CARMIL1: variants seen among roughly 807,000 people sequenced by gnomAD.
CARMIL1 encodes the protein F-actin-uncapping protein LRRC16A.
A neutral mutation model predicts 177.1 loss-of-function variants in CARMIL1; 90 were observed. The ratio of observed to expected loss-of-function variants is 0.51; its 90% confidence interval spans 0.43 to 0.61. The LOEUF (loss-of-function observed/expected upper bound fraction) is 0.61, where lower values mean the gene tolerates loss of function less well. CARMIL1 is among the 20% of genes least tolerant of loss of function. The pLI is 0.00. For synonymous variants in CARMIL1, 577 were observed against 606.2 expected (o/e 0.95, Z 0.71); for missense variants, 1,380 against 1,667.0 (o/e 0.83, Z 3.00).
intron 23 of CARMIL1, among the ~76,000 whole-genome samples, chr6:25,520,694 C>T (rs1806467358): frequency 6.6e-6 from 1 of 152,014 alleles, no homozygotes; most frequent in Admixed American, 6.6e-5. Context: ...CAGATGGATC[C>T]CTCTCTTCTT....
rs745832709 is a variant in CARMIL1, at chr6:25,491,719, A to T, written c.1066-13A>T. 4 of 1,532,564 alleles carry T rather than the reference A, an allele frequency of 2.6e-6. No individual in the cohort carries two copies. Among genetic ancestry groups the T allele is most frequent in the East Asian group, 2.3e-5 (1 of 42,820 alleles). The allele number at this position is 1,532,564 out of a possible 1,614,324, so 94.9% of individuals were successfully genotyped here. On this transcript the variant is annotated splice_polypyrimidine_tract_variant and intron_variant, in intron 13 of 36. Coordinates refer to ENST00000329474, the MANE Select transcript of CARMIL1 (RefSeq NM_017640.6). The stretch of plus-strand genomic sequence containing the variant: ...TCTAGAATCCTAACATTTATCTTTT[A>T]TTTTTTTTCAAGCACATGTATAATT...
intron 11 of CARMIL1, 71 bp downstream of exon 11, chr6:25,472,592 C>A: frequency 1.6e-6 from 2 of 1,242,038 alleles, no homozygotes; most frequent in Non-Finnish European, 1.2e-6. Context: ...TTTAGCCATG[C>A]CTGAAGAGCT....
chr6:25,610,580 A>G (rs1424198879), intron 36 of CARMIL1, among the ~76,000 whole-genome samples: 1 of 152,106 alleles, frequency 6.6e-6, no homozygotes, highest in Non-Finnish European at 1.5e-5. Flanking sequence ...CAGTACTGCT[A>G]TAGTTCAGGA....
At chr6:25,540,696 T>A (rs983518956) in intron 26 of CARMIL1, among the ~76,000 whole-genome samples, 1 of 152,160 alleles carries the variant, frequency 6.6e-6, no homozygotes, top group Non-Finnish European at 1.5e-5. Flanking sequence ...AATTTCACAT[T>A]CAGAAAGTTT....
chr6:25,338,116 G>C (rs1187500949), intron 2 of CARMIL1, among the ~76,000 whole-genome samples: 8 of 152,058 alleles, frequency 5.3e-5, no homozygotes, highest in Non-Finnish European at 1.2e-4. Context: ...AATTAGCCAG[G>C]CGTGGTGGCG....
chr6:25,616,379 G>C (rs907563613), intron 36 of CARMIL1, among the ~76,000 whole-genome samples: 1 of 152,098 alleles, frequency 6.6e-6, no homozygotes, highest in Non-Finnish European at 1.5e-5. Context: ...ACCAGCCTGG[G>C]CAACAAATGA....
intron 8 of CARMIL1, among the ~76,000 whole-genome samples, chr6:25,452,984 C>T (rs1397640386): frequency 1.3e-5 from 2 of 152,178 alleles, no homozygotes; most frequent in Non-Finnish European, 2.9e-5. Context: ...GGTCTATCTT[C>T]TCCTTTGACT....
intron 9 of CARMIL1, among the ~76,000 whole-genome samples, chr6:25,470,701 T>C (rs144400553): frequency 6.6e-6 from 1 of 152,164 alleles, no homozygotes; most frequent in Non-Finnish European, 1.5e-5. Flanking sequence ...GAGGGCACAG[T>C]TTCTTGTTCA....
At chr6:25,365,651 C>G (rs1789705046) in intron 2 of CARMIL1, among the ~76,000 whole-genome samples, 1 of 152,156 alleles carries the variant, frequency 6.6e-6, no homozygotes, top group Admixed American at 6.5e-5. Context: ...TTCCCGGGCT[C>G]AAGTGATTCT....
intron 2 of CARMIL1, among the ~76,000 whole-genome samples, chr6:25,374,031 C>T (rs1488730399): frequency 6.6e-6 from 1 of 152,134 alleles, no homozygotes; most frequent in Non-Finnish European, 1.5e-5. Flanking sequence ...TTTAGTTCTG[C>T]TCTAATGAAA....
chr6:25,582,433 G>C (rs556796562), intron 31 of CARMIL1, among the ~76,000 whole-genome samples: 1 of 152,188 alleles, frequency 6.6e-6, no homozygotes, highest in Non-Finnish European at 1.5e-5. Flanking sequence ...GTTGTTGACT[G>C]TAGATTTCTG....
chr6:25,518,888 G>A (rs1013073602), intron 22 of CARMIL1, among the ~76,000 whole-genome samples: 4 of 152,158 alleles, frequency 2.6e-5, no homozygotes, highest in South Asian at 2.1e-4. Flanking sequence ...TGTCAAGGCC[G>A]TAAAAAAGAC....
intron 29 of CARMIL1, among the ~76,000 whole-genome samples, chr6:25,578,613 T>C (rs373801475): frequency 1.3e-5 from 2 of 152,128 alleles, no homozygotes; most frequent in Non-Finnish European, 2.9e-5. Flanking sequence ...AGTTTTTTTT[T>C]CTCTGTTGTT....
chr6:25,448,251 A>G (rs1798432072), intron 5 of CARMIL1, among the ~76,000 whole-genome samples: 1 of 152,134 alleles, frequency 6.6e-6, no homozygotes, highest in Admixed American at 6.5e-5. Flanking sequence ...ATGGCTCCTC[A>G]TTGCCCTGAG....
At chr6:25,398,536 T>C (rs1793619081) in intron 2 of CARMIL1, among the ~76,000 whole-genome samples, 1 of 152,190 alleles carries the variant, frequency 6.6e-6, no homozygotes, top group Non-Finnish European at 1.5e-5. Flanking sequence ...GGGAAGAAGT[T>C]TGTTTTCCAA....
chr6:25,321,951 C>T (rs1008696268), intron 2 of CARMIL1, among the ~76,000 whole-genome samples: 1 of 152,020 alleles, frequency 6.6e-6, no homozygotes, highest in Non-Finnish European at 1.5e-5. Flanking sequence ...AGCCACTGAG[C>T]CTGGCCCTAT....
At chr6:25,584,559 A>C (rs1193278703) in intron 31 of CARMIL1, among the ~76,000 whole-genome samples, 2 of 151,854 alleles carry the variant, frequency 1.3e-5, no homozygotes, top group Non-Finnish European at 2.9e-5. Context: ...AACCTTCAGA[A>C]ATGCAGACTC....
chr6:25,505,968 T>G (rs1173864190), intron 17 of CARMIL1, among the ~76,000 whole-genome samples: 1 of 152,176 alleles, frequency 6.6e-6, no homozygotes, highest in African/African-American at 2.4e-5. Context: ...GTGGAAGCTT[T>G]TCTGAAGATG....
At chr6:25,471,287 T>C in intron 10 of CARMIL1, 30 bp downstream of exon 10, 1 of 1,523,602 alleles carries the variant, frequency 6.6e-7, no homozygotes, top group Non-Finnish European at 9.0e-7. Flanking sequence ...TATAAATATG[T>C]TGCTTTAAAA....
Sources: allele counts gnomAD v4.1 joint callset (sites outside exome capture counted in the v4.1 genomes callset), GRCh38; gene constraint gnomAD v4.1.1; transcripts MANE v1.5; gene names NCBI Gene and HGNC (gene_info 2026-07-23, HGNC 2026-07-21).